The following XYLT1 variants were observed in gnomAD, a reference collection of about 807,000 sequenced individuals.
The protein encoded by XYLT1 is xylosyltransferase 1.
In XYLT1, 36 loss-of-function variants were observed where a neutral mutation model predicts 91.3. The ratio of observed to expected loss-of-function variants is 0.39; its 90% confidence interval spans 0.30 to 0.52. The LOEUF is 0.52. XYLT1 is among the 20% of genes least tolerant of loss of function. The pLI, the probability that XYLT1 is intolerant of heterozygous loss-of-function variation, is 0.68. For missense variants in XYLT1, 1,242 were observed against 1,284.5 expected (o/e 0.97, Z 0.51); for synonymous variants, 588 against 532.0 (o/e 1.11, Z -1.45).
Position 17,302,708 on chromosome 16 carries a change from AC to A in XYLT1, c.403-43211del, listed in dbSNP as rs1596472873. Among the ~76,000 whole-genome samples the A allele has an allele frequency of 2.0e-5, 3 of 152,260 alleles. No individual in the cohort carries two copies. In the East Asian group the frequency reaches 5.8e-4, roughly 29 times the overall value. On this transcript the variant is annotated intron_variant, in intron 2 of 11. Coordinates refer to ENST00000261381, the MANE Select transcript of XYLT1 (RefSeq NM_022166.4). ...TTTGCAGTCTTATTTTGTTTAGTAC[AC>A]CCATGCAGACTGCCATAAACCCTTC...
At chr16:17,452,397 A>AG (rs1567208297) in intron 1 of XYLT1, among the ~76,000 whole-genome samples, 2 of 150,382 alleles carry the variant, frequency 1.3e-5, no homozygotes, top group Non-Finnish European at 2.9e-5. Context: ...CCAAGGCAGG[A>AG]GGGTGGCTTC....
intron 3 of XYLT1, among the ~76,000 whole-genome samples, chr16:17,215,591 T>C (rs747271751): frequency 2.0e-5 from 3 of 152,136 alleles, no homozygotes; most frequent in Non-Finnish European, 4.4e-5. Context: ...ACCTGGTCTA[T>C]GGTAATTTTT....
At chr16:17,117,443 C>A (rs1343303104) in intron 11 of XYLT1, among the ~76,000 whole-genome samples, 2 of 152,134 alleles carry the variant, frequency 1.3e-5, no homozygotes, top group African/African-American at 2.4e-5. Context: ...AATACCTAGA[C>A]AGATGACATC....
At chr16:17,377,555 C>T (rs2035618897) in intron 1 of XYLT1, among the ~76,000 whole-genome samples, 1 of 151,852 alleles carries the variant, frequency 6.6e-6, no homozygotes, top group Non-Finnish European at 1.5e-5. Flanking sequence ...CCCAACCCCA[C>T]CCCTGCCCAA....
chr16:17,327,583 C>G (rs2034828153), intron 2 of XYLT1, among the ~76,000 whole-genome samples: 1 of 132,644 alleles, frequency 7.5e-6, no homozygotes, highest in Non-Finnish European at 1.6e-5. Context: ...AGGATGGTCT[C>G]AATCTCCTGA....
At chr16:17,196,570 T>C (rs1040096133) in intron 5 of XYLT1, among the ~76,000 whole-genome samples, 1 of 152,202 alleles carries the variant, frequency 6.6e-6, no homozygotes, top group Non-Finnish European at 1.5e-5. Flanking sequence ...CTCTTGGTAC[T>C]CTTGTGCATG....
intron 2 of XYLT1, among the ~76,000 whole-genome samples, chr16:17,338,885 T>C (rs576415841): frequency 2.8e-4 from 43 of 152,336 alleles, no homozygotes; most frequent in Non-Finnish European, 4.9e-4. Context: ...GGTCATGCTG[T>C]GGGCAACAGC....
intron 1 of XYLT1, among the ~76,000 whole-genome samples, chr16:17,388,245 C>T (rs764507373): frequency 3.9e-5 from 6 of 152,160 alleles, no homozygotes; most frequent in African/African-American, 4.8e-5. Flanking sequence ...CCAAATACAT[C>T]GCTAGCCTGA....
At chr16:17,164,001 G>GTACTCCCA (rs1429375395) in intron 5 of XYLT1, among the ~76,000 whole-genome samples, 2 of 117,432 alleles carry the variant, frequency 1.7e-5, no homozygotes. Flanking sequence ...TCGCGCCACT[G>GTACTCCCA]TACTCCCACC....
chr16:17,205,751 G>A (rs1332567579), intron 3 of XYLT1, among the ~76,000 whole-genome samples: 1 of 152,070 alleles, frequency 6.6e-6, no homozygotes, highest in African/African-American at 2.4e-5. Context: ...TCTACAACCG[G>A]AATTTCCCTC....
At chr16:17,361,624 C>T (rs1442066435) in intron 1 of XYLT1, among the ~76,000 whole-genome samples, 3 of 152,184 alleles carry the variant, frequency 2.0e-5, no homozygotes, top group Admixed American at 2.0e-4. Context: ...ATTATTACAT[C>T]AAGCAAGGAA....
rs1057221830 is a variant in XYLT1 at position 17,104,675 on chromosome 16, C to A, written c.*4020G>T. The A allele has an allele frequency of 6.6e-6, 1 of 152,170 alleles. No homozygotes were observed. Among genetic ancestry groups the A allele is most frequent in the African/African-American group, 2.4e-5 (1 of 41,444 alleles). 9.4% of individuals were successfully genotyped at this position (152,170 alleles called of 1,614,324 possible). On this transcript the variant is annotated 3_prime_UTR_variant, in exon 12 of 12. Transcript: ENST00000261381. Reference sequence around the variant, plus strand: ...AAAAACAAACAAACAAACAACCCGACGTTGAAAAATCAGATTTTTTCCATT... The same window carrying A: ...AAAAACAAACAAACAAACAACCCGAAGTTGAAAAATCAGATTTTTTCCATT...
intron 2 of XYLT1, among the ~76,000 whole-genome samples, chr16:17,321,433 C>A (rs1025969853): frequency 1.4e-5 from 2 of 140,540 alleles, no homozygotes; most frequent in African/African-American, 5.2e-5. Context: ...CCTCAGTTCA[C>A]TGCAGCCTTG....
chr16:17,369,132 T>TC (rs1388611290), intron 1 of XYLT1, among the ~76,000 whole-genome samples: 2 of 141,804 alleles, frequency 1.4e-5, no homozygotes, highest in Non-Finnish European at 3.1e-5. Context: ...AAATACTTCT[T>TC]TTTTTTTTTT....
At chr16:17,373,550 T>C (rs892928507) in intron 1 of XYLT1, among the ~76,000 whole-genome samples, 6 of 152,238 alleles carry the variant, frequency 3.9e-5, no homozygotes, top group Non-Finnish European at 7.3e-5. Flanking sequence ...TTTCTCAAGA[T>C]GATGAATACT....
intron 5 of XYLT1, among the ~76,000 whole-genome samples, chr16:17,171,534 A>C (rs1036277260): frequency 6.6e-6 from 1 of 152,266 alleles, no homozygotes; most frequent in South Asian, 2.1e-4. Flanking sequence ...ACAGATTTCC[A>C]AGGTTACTTG....
At chr16:17,296,859 C>T (rs955100347) in intron 2 of XYLT1, among the ~76,000 whole-genome samples, 1 of 152,198 alleles carries the variant, frequency 6.6e-6, no homozygotes, top group African/African-American at 2.4e-5. Context: ...TTCAAATCCC[C>T]GCTCCTCCAC....
chr16:17,215,826 G>C (rs1265934682), intron 3 of XYLT1, among the ~76,000 whole-genome samples: 1 of 152,074 alleles, frequency 6.6e-6, no homozygotes, highest in African/African-American at 2.4e-5. Flanking sequence ...AGGCCAAGAG[G>C]AAGTGCAGAA....
intron 3 of XYLT1, among the ~76,000 whole-genome samples, chr16:17,224,769 T>C (rs1042307589): frequency 2.0e-5 from 3 of 152,306 alleles, no homozygotes; most frequent in African/African-American, 7.2e-5. Context: ...TCAACACTTC[T>C]CAGCCTCTCT....
Sources: gnomAD v4.1 joint callset for allele counts (sites outside exome capture counted in the v4.1 genomes callset) on GRCh38, gnomAD v4.1.1 for gene constraint, MANE v1.5 for transcripts, NCBI Gene and HGNC (gene_info 2026-07-23, HGNC 2026-07-21) for gene names.